Variants in STK24 observed in about 807,000 individuals in gnomAD.
STK24 encodes serine/threonine-protein kinase 24.
STK24 carries 21 observed loss-of-function variants against 55.6 expected under a neutral mutation model. The observed-to-expected ratio is 0.38, with a 90% CI of 0.27 to 0.54. The LOEUF (loss-of-function observed/expected upper bound fraction) is 0.54. Among genes scored for constraint, STK24 ranks in the 20% least tolerant of loss-of-function variants. STK24 has a pLI of 0.79. For missense variants in STK24, 383 were observed against 538.4 expected, an observed-to-expected ratio of 0.71 and a Z score of 2.86; for synonymous variants, 200 against 215.2, an observed-to-expected ratio of 0.93 and a Z score of 0.62.
At chr13:98,574,990 T>G (rs1438709768) in intron 1 of STK24, among the ~76,000 whole-genome samples, 1 of 152,176 alleles carries the variant, frequency 6.6e-6, no homozygotes, top group African/African-American at 2.4e-5. Flanking sequence ...CCAATTAACC[T>G]AGTAAGTGAG....
intron 5 of STK24, among the ~76,000 whole-genome samples, chr13:98,471,197 G>A (rs1274963724): frequency 7.2e-5 from 11 of 152,266 alleles, no homozygotes; most frequent in African/African-American, 1.7e-4. Context: ...GGGCTGGTAC[G>A]CAGTGCAGTA....
At chr13:98,576,329 G>A in intron 1 of STK24, 1 of 641,000 alleles carries the variant, frequency 1.6e-6, no homozygotes, top group Non-Finnish European at 1.9e-6. Context: ...TGGGGGACGC[G>A]TCCTGGGGCC....
chr13:98,539,636 T>C (rs1210777204), intron 1 of STK24, among the ~76,000 whole-genome samples: 1 of 152,202 alleles, frequency 6.6e-6, no homozygotes, highest in Non-Finnish European at 1.5e-5. Context: ...TTCTCTCTTA[T>C]GTTACCTCAG....
intron 2 of STK24, among the ~76,000 whole-genome samples, chr13:98,483,329 C>T (rs527856439): frequency 2.6e-5 from 4 of 152,172 alleles, no homozygotes; most frequent in South Asian, 4.2e-4. Flanking sequence ...AGTGGGTTCA[C>T]GGGGTTCAGA....
rs9584865 is a variant in STK24 at position 98,564,520 on chromosome 13, G to C, written c.42+12225C>G. ...CAGGGAGCTGAGCCCACCCAGGGCA[G>C]AGGAGCTGAAGAGCAGAGAGGAGGA... is the stretch of plus-strand genomic sequence containing the variant. On this transcript the variant is annotated intron_variant, in intron 1 of 10. Coordinates refer to ENST00000539966, the MANE Select transcript of STK24 (RefSeq NM_001032296.4). Among the ~76,000 whole-genome samples, 5 of 152,266 alleles carry C rather than the reference G, an allele frequency of 3.3e-5. No homozygotes were observed. In the South Asian group the frequency reaches 1.0e-3, roughly 32 times the overall value.
intron 1 of STK24, among the ~76,000 whole-genome samples, chr13:98,548,631 G>A (rs183276602): frequency 6.6e-6 from 1 of 152,274 alleles, no homozygotes; most frequent in Admixed American, 6.5e-5. Context: ...GGAGGCTGAG[G>A]TGGGTGGATT....
chr13:98,574,259 C>A (rs1897817562), intron 1 of STK24, among the ~76,000 whole-genome samples: 1 of 152,214 alleles, frequency 6.6e-6, no homozygotes, highest in African/African-American at 2.4e-5. Context: ...GATCCGCCCA[C>A]TTCGGCCTCT....
rs759314930 is a variant in STK24, at chr13:98,503,024, G to GGTTTTTTTTTT, written c.273+16218_273+16219insAAAAAAAAAAC. Among the ~76,000 whole-genome samples, 350 of 107,030 alleles carry GGTTTTTTTTTT rather than the reference G, an allele frequency of 3.3e-3. 5 individuals are homozygous for GGTTTTTTTTTT. The highest frequency in any genetic ancestry group is 0.013 in the African/African-American group (313 of 25,000). The allele number at this position is 107,030 out of a possible 152,430, so 70.2% of individuals were successfully genotyped here. On this transcript the variant is annotated intron_variant, in intron 2 of 10. Coordinates refer to ENST00000539966, the MANE Select transcript of STK24 (RefSeq NM_001032296.4). Reference sequence around the variant, plus strand: ...AATATATTAGAAATACTTTCCATGTGTTTTTTTTTTTTTTTTTCAGTATGG... The same window carrying GGTTTTTTTTTT: ...AATATATTAGAAATACTTTCCATGTGGTTTTTTTTTTTTTTTTTTTTTTTTTTTCAGTATGG...
intron 1 of STK24, among the ~76,000 whole-genome samples, chr13:98,554,576 A>G (rs1897239341): frequency 6.6e-6 from 1 of 152,198 alleles, no homozygotes; most frequent in Non-Finnish European, 1.5e-5. Flanking sequence ...TTGTTATCTG[A>G]GCACTCTGGG....
intron 2 of STK24, among the ~76,000 whole-genome samples, chr13:98,495,691 T>A (rs536912248): frequency 5.3e-5 from 8 of 152,360 alleles, no homozygotes; most frequent in Admixed American, 4.6e-4. Flanking sequence ...TCATAGTCCT[T>A]GTCCTCGGAC....
chr13:98,460,088 T>C (rs1000212394), intron 9 of STK24, among the ~76,000 whole-genome samples: 1 of 152,078 alleles, frequency 6.6e-6, no homozygotes, highest in Admixed American at 6.5e-5. Flanking sequence ...CTGTACACAA[T>C]GAGATTTGCT....
intron 1 of STK24, among the ~76,000 whole-genome samples, chr13:98,548,292 G>A (rs1897077323): frequency 6.6e-6 from 1 of 152,032 alleles, no homozygotes; most frequent in Admixed American, 6.5e-5. Flanking sequence ...TTTAAAACTG[G>A]ACATAGTAAG....
intron 2 of STK24, among the ~76,000 whole-genome samples, chr13:98,494,959 G>A (rs1054160608): frequency 1.1e-4 from 17 of 152,290 alleles, no homozygotes; most frequent in African/African-American, 3.9e-4. Flanking sequence ...CACCACCAAC[G>A]CCTCGGTGAA....
chr13:98,531,314 G>A (rs1255247617), intron 1 of STK24, among the ~76,000 whole-genome samples: 3 of 152,104 alleles, frequency 2.0e-5, no homozygotes, highest in African/African-American at 7.2e-5. Flanking sequence ...TACAGAAAAG[G>A]CCAATGGAAA....
chr13:98,532,711 GAA>G (rs1245066458), intron 1 of STK24, among the ~76,000 whole-genome samples: 2 of 152,200 alleles, frequency 1.3e-5, no homozygotes, highest in Admixed American at 1.3e-4. Context: ...TTCTTTCGAA[GAA>G]AAGTGTTATT....
intron 2 of STK24, among the ~76,000 whole-genome samples, chr13:98,510,231 C>T (rs923698447): frequency 6.6e-6 from 1 of 152,108 alleles, no homozygotes; most frequent in South Asian, 2.1e-4. Context: ...ACAAGTTTCC[C>T]GAGTCGGGGC....
intron 1 of STK24, among the ~76,000 whole-genome samples, chr13:98,540,556 A>C (rs947806838): frequency 6.6e-6 from 1 of 152,092 alleles, no homozygotes. Flanking sequence ...AACCAAAAAA[A>C]GCTAAGTATT....
At chr13:98,487,941 C>T (rs1336053169) in intron 2 of STK24, among the ~76,000 whole-genome samples, 1 of 152,106 alleles carries the variant, frequency 6.6e-6, no homozygotes, top group Non-Finnish European at 1.5e-5. Flanking sequence ...TTCCCCCTTT[C>T]CCATGCCACA....
chr13:98,511,540 G>C (rs1293449570), intron 2 of STK24, among the ~76,000 whole-genome samples: 3 of 152,166 alleles, frequency 2.0e-5, no homozygotes, highest in African/African-American at 7.2e-5. Context: ...CCAAATTCTG[G>C]AAACACCCAC....
Sources: gnomAD v4.1 joint callset for allele counts (sites outside exome capture counted in the v4.1 genomes callset) on GRCh38, gnomAD v4.1.1 for gene constraint, MANE v1.5 for transcripts, NCBI Gene and HGNC (gene_info 2026-07-23, HGNC 2026-07-21) for gene names.